Variants in KIF15 observed in about 807,000 individuals in gnomAD.
KIF15 encodes the protein kinesin family member 15.
A neutral mutation model predicts 190.6 loss-of-function variants in KIF15; 140 were observed. The observed-to-expected ratio is 0.73, with a 90% CI of 0.64 to 0.84. The LOEUF (loss-of-function observed/expected upper bound fraction) is 0.84, where lower values mean the gene tolerates loss of function less well. Ranked by LOEUF, KIF15 falls within the 40% of genes least tolerant of loss-of-function variation. KIF15 has a pLI of 0.00. For synonymous variants in KIF15, 528 were observed against 551.3 expected, an observed-to-expected ratio of 0.96 and a Z score of 0.59; for missense variants, 1,372 against 1,584.4, an observed-to-expected ratio of 0.87 and a Z score of 2.28.
At chr3:44,829,875 T>C (rs1455750735) in intron 24 of KIF15, 96 bp from the exon 25 acceptor site, 4 of 395,528 alleles carry the variant, frequency 1.0e-5, no homozygotes, top group Non-Finnish European at 1.8e-5. Flanking sequence ...AAAATTGACT[T>C]ATATTGCCAT....
At chr3:44,861,181 G>A (rs1477226820) in intron 6 of KIF15, among the ~76,000 whole-genome samples, 2 of 151,396 alleles carry the variant, frequency 1.3e-5, no homozygotes, top group Non-Finnish European at 2.9e-5. Flanking sequence ...AGTAGAGACG[G>A]GGTTTCTCTA....
rs775255808 is a variant in KIF15, at chr3:44,761,902, G to A, written c.19+18G>A. 2 of 1,614,160 alleles carry A rather than the reference G, an allele frequency of 1.2e-6. No homozygotes were observed. The highest frequency in any genetic ancestry group is 1.1e-5 in the South Asian group (1 of 91,086). On this transcript the variant is annotated intron_variant, in intron 1 of 34. Coordinates refer to ENST00000326047, the MANE Select transcript of KIF15 (RefSeq NM_020242.3). ...CTGCAAAAGTAAGTCTGGGCCCCCG[G>A]CTTCGTTACCCTATTTTTGCCCCCA...
Position 44,826,019 on chromosome 3 carries a change from A to T in KIF15, c.2550-20A>T, listed in dbSNP as rs770337401. The T allele has an allele frequency of 1.1e-4, 170 of 1,564,310 alleles. No individual in the cohort carries two copies. Among genetic ancestry groups the T allele is most frequent in the Non-Finnish European group, 1.4e-4 (165 of 1,160,706 alleles). ...CATTAAATGTTTATTTACCATTTTTAAAATGTTTTCCTTATAAAGGTTAGA... is the reference window on the plus strand; with the variant it reads ...CATTAAATGTTTATTTACCATTTTTTAAATGTTTTCCTTATAAAGGTTAGA... On this transcript the variant is annotated intron_variant, in intron 20 of 34. Transcript: ENST00000326047.
intron 32 of KIF15, among the ~76,000 whole-genome samples, chr3:44,850,253 G>A (rs939673873): frequency 3.3e-5 from 5 of 152,174 alleles, no homozygotes; most frequent in Admixed American, 6.5e-5. Context: ...TAGAATCAGA[G>A]TATACATAGG....
chr3:44,762,423 C>G (rs1046195195), intron 1 of KIF15, among the ~76,000 whole-genome samples: 1 of 152,142 alleles, frequency 6.6e-6, no homozygotes, highest in Non-Finnish European at 1.5e-5. Flanking sequence ...TAAAGGAGAC[C>G]CGTCCGATTT....
intron 20 of KIF15, 135 bp from the exon 21 acceptor site, chr3:44,825,904 G>A (rs933916834): frequency 1.5e-5 from 10 of 687,624 alleles, no homozygotes; most frequent in Non-Finnish European, 1.9e-5. Context: ...AGGTCCATAA[G>A]GAGCCTTATA....
intron 1 of KIF15, among the ~76,000 whole-genome samples, chr3:44,766,876 TCTCGG>T (rs111488723): frequency 0.065 from 9,576 of 148,254 alleles, 936 homozygotes; most frequent in African/African-American, 0.21. Context: ...AGTGGCGTGA[TCTCGG>T]CTCACTGCAA....
At chr3:44,827,328 G>A (rs1009659667) in intron 22 of KIF15, 131 bp from the exon 23 acceptor site, 56 of 632,694 alleles carry the variant, frequency 8.9e-5, no homozygotes, top group Non-Finnish European at 1.3e-4. Context: ...TGATCCCCCC[G>A]GAAGGTAATG....
In KIF15 at chr3:44,844,676, C is replaced by G. The variant is rs574430544; in HGVS notation, c.3695+1442C>G. Among the ~76,000 whole-genome samples the G allele has an allele frequency of 2.7e-4, 41 of 152,236 alleles. 1 individual carries two copies. Among genetic ancestry groups the G allele is most frequent in the Admixed American group, 2.0e-3 (30 of 15,288 alleles). ...CTAAGTCAGAGTCTCTTAAATAGCCCGAATAGCTACAGAAGCTCTTCATCA... is the reference window on the plus strand; with the variant it reads ...CTAAGTCAGAGTCTCTTAAATAGCCGGAATAGCTACAGAAGCTCTTCATCA... On this transcript the variant is annotated intron_variant, in intron 30 of 34. Coordinates refer to ENST00000326047, the MANE Select transcript of KIF15 (RefSeq NM_020242.3).
At chr3:44,861,418 C>T (rs924745756) in intron 6 of KIF15, among the ~76,000 whole-genome samples, 34 of 152,240 alleles carry the variant, frequency 2.2e-4, no homozygotes, top group African/African-American at 7.7e-4. Flanking sequence ...CTGTGATGCG[C>T]TTGTCCCCAT....
chr3:44,864,611 T>TG (rs1699300631), intron 6 of KIF15, among the ~76,000 whole-genome samples: 1 of 152,172 alleles, frequency 6.6e-6, no homozygotes, highest in African/African-American at 2.4e-5. Context: ...CATTCTGAAG[T>TG]CACTGTGCAT....
Position 44,761,976 on chromosome 3 carries a change from G to C in KIF15, c.19+92G>C, listed in dbSNP as rs1705165582. The C allele has an allele frequency of 1.9e-6, 3 of 1,546,526 alleles. No individual in the cohort carries two copies. The African/African-American group carries it at 4.1e-5, about 21-fold the overall frequency. ...GCCTCGGACCGCCCGCAAGGTTCTT[G>C]CTAGGCATGAACTGCAGGAGCTGAG... is the stretch of plus-strand genomic sequence containing the variant. On this transcript the variant is annotated intron_variant, in intron 1 of 34. Transcript: ENST00000326047.
At chr3:44,860,794 CA>C (rs1349345962) in intron 6 of KIF15, among the ~76,000 whole-genome samples, 1 of 152,120 alleles carries the variant, frequency 6.6e-6, no homozygotes, top group Non-Finnish European at 1.5e-5. Flanking sequence ...ACAGTATGTT[CA>C]ACTGTGAAAT....
At chr3:44,858,801 TGAAAA>T (rs1405647936) in intron 6 of KIF15, among the ~76,000 whole-genome samples, 1 of 152,100 alleles carries the variant, frequency 6.6e-6, no homozygotes, top group Non-Finnish European at 1.5e-5. Context: ...AACAGGCCCT[TGAAAA>T]GAAGATAATG....
intron 10 of KIF15, chr3:44,799,085 C>T: frequency 2.8e-6 from 1 of 354,270 alleles, no homozygotes; most frequent in South Asian, 2.2e-5. Flanking sequence ...CTTCCTGACC[C>T]TAAGTCTCTT....
intron 6 of KIF15, chr3:44,863,819 T>TTA (rs139535381): frequency 0.014 from 3,100 of 216,108 alleles, 79 homozygotes; most frequent in African/African-American, 0.063. Context: ...TACCCTAGGC[T>TTA]TACTACCTAC....
chr3:44,849,009 T>C (rs1698967440), intron 32 of KIF15, among the ~76,000 whole-genome samples: 2 of 152,240 alleles, frequency 1.3e-5, no homozygotes, highest in Non-Finnish European at 2.9e-5. Flanking sequence ...TTAATTCATG[T>C]AGCCTTATAA....
chr3:44,796,756 T>C (rs1053555539), intron 8 of KIF15, among the ~76,000 whole-genome samples: 1 of 152,304 alleles, frequency 6.6e-6, no homozygotes, highest in African/African-American at 2.4e-5. Flanking sequence ...AAGCTTCTGT[T>C]TTAAAGTAGT....
chr3:44,790,130 A>T (rs1000061986), intron 7 of KIF15, among the ~76,000 whole-genome samples: 1 of 152,086 alleles, frequency 6.6e-6, no homozygotes, highest in African/African-American at 2.4e-5. Flanking sequence ...GAGTACTTTC[A>T]TACTGCATTG....
Sources: allele counts gnomAD v4.1 joint callset (sites outside exome capture counted in the v4.1 genomes callset), GRCh38; gene constraint gnomAD v4.1.1; transcripts MANE v1.5; gene names NCBI Gene and HGNC (gene_info 2026-07-23, HGNC 2026-07-21).